NSUN3: variants seen among roughly 807,000 people sequenced by gnomAD.
NSUN3 encodes NOP2/Sun RNA methyltransferase 3.
NSUN3 carries 24 observed loss-of-function variants against 36.8 expected under a neutral mutation model. That is an observed-to-expected ratio of 0.65 (90% CI 0.47 to 0.92). NSUN3 has a LOEUF of 0.92. Among genes scored for constraint, NSUN3 ranks in the 40% least tolerant of loss-of-function variants. The pLI is 0.00. For missense variants in NSUN3, 381 were observed against 392.8 expected (o/e 0.97, Z 0.25); for synonymous variants, 146 against 145.2 (o/e 1.01, Z -0.04).
intron 2 of NSUN3, among the ~76,000 whole-genome samples, chr3:94,072,894 G>A (rs995110806): frequency 6.6e-6 from 1 of 151,842 alleles, no homozygotes; most frequent in African/African-American, 2.4e-5. Flanking sequence ...ATGGTGGTTT[G>A]CTGCACCCAT....
At chr3:94,112,981 C>T (rs2077424144) in intron 5 of NSUN3, among the ~76,000 whole-genome samples, 1 of 152,164 alleles carries the variant, frequency 6.6e-6, no homozygotes. Flanking sequence ...TCTCCTGCCT[C>T]AGCCTCCCAA....
intron 2 of NSUN3, among the ~76,000 whole-genome samples, chr3:94,077,559 A>T (rs1208686084): frequency 6.6e-6 from 1 of 152,140 alleles, no homozygotes. Context: ...CTGTGAATTC[A>T]TCTGGTCCTG....
chr3:94,095,203 C>T, intron 5 of NSUN3, 49 bp downstream of exon 5: 1 of 1,584,014 alleles, frequency 6.3e-7, no homozygotes, highest in Non-Finnish European at 8.7e-7. Flanking sequence ...ATGTAATTTA[C>T]ACAGGCATAA....
At chr3:94,074,757 CA>C (rs2077239761) in intron 2 of NSUN3, among the ~76,000 whole-genome samples, 2 of 152,152 alleles carry the variant, frequency 1.3e-5, no homozygotes, top group Non-Finnish European at 2.9e-5. Context: ...CAAACAGAGA[CA>C]ATTTGACTTC....
chr3:94,120,906 T>C (rs1427754079), intron 5 of NSUN3, among the ~76,000 whole-genome samples: 1 of 152,220 alleles, frequency 6.6e-6, no homozygotes, highest in Non-Finnish European at 1.5e-5. Flanking sequence ...AAAGAAAGTC[T>C]TATACCTATT....
At chr3:94,075,832 A>T in intron 2 of NSUN3, 1 of 978,238 alleles carries the variant, frequency 1.0e-6, no homozygotes, top group Non-Finnish European at 1.5e-6. Context: ...AGTCTGTCTC[A>T]TAACCAGTGT....
At position 94,065,200 on chromosome 3, in the gene NSUN3, C is replaced by T. The variant is rs572657856; in HGVS notation, c.122+654C>T. ...TACAGAGCAAGACAGTCTGCATGTC[C>T]AGTTTACATGCCGTCTAGTTAGTGT... On this transcript the variant is annotated intron_variant, in intron 2 of 5. Coordinates refer to ENST00000314622, the MANE Select transcript of NSUN3 (RefSeq NM_022072.5). Among the ~76,000 whole-genome samples the T allele has an allele frequency of 1.2e-4, 19 of 152,266 alleles. No individual in the cohort carries two copies. The South Asian group carries it at 3.7e-3, about 30-fold the overall frequency.
At chr3:94,122,864 A>G (rs1314136264) in intron 5 of NSUN3, among the ~76,000 whole-genome samples, 1 of 152,140 alleles carries the variant, frequency 6.6e-6, no homozygotes, top group Non-Finnish European at 1.5e-5. Flanking sequence ...GTTCTGTAAC[A>G]ATAGTAAGTT....
rs143822797 is a variant in NSUN3, at chr3:94,111,209, A to C, written c.744-15002A>C. On this transcript the variant is annotated intron_variant, in intron 5 of 5. Coordinates refer to ENST00000314622, the MANE Select transcript of NSUN3 (RefSeq NM_022072.5). ...AGGTACAGTAAAAATATGCTATAAA[A>C]GATAAAAAAATTGTACACCTGTATA... Among the ~76,000 whole-genome samples the C allele has an allele frequency of 3.1e-3, 479 of 152,266 alleles. 1 individual carries two copies. Among genetic ancestry groups the C allele is most frequent in the Non-Finnish European group, 5.5e-3 (376 of 68,020 alleles).
At chr3:94,069,551 C>T (rs149184355) in intron 2 of NSUN3, among the ~76,000 whole-genome samples, 12 of 152,178 alleles carry the variant, frequency 7.9e-5, no homozygotes, top group African/African-American at 2.4e-4. Flanking sequence ...TATTTTTCAT[C>T]TTCGTCACTA....
intron 2 of NSUN3, chr3:94,082,036 C>G (rs1175760433): frequency 6.6e-6 from 1 of 152,168 alleles, no homozygotes; most frequent in Non-Finnish European, 1.5e-5. Context: ...TGAAAGTGTT[C>G]TACTCCTTTT....
chr3:94,072,241 T>C (rs1054065631), intron 2 of NSUN3, among the ~76,000 whole-genome samples: 6 of 152,168 alleles, frequency 3.9e-5, no homozygotes, highest in African/African-American at 1.4e-4. Context: ...TGTGCTGTAG[T>C]ACCAGGGTCT....
rs1382874023 is a variant in NSUN3, at chr3:94,126,650, C to A, written c.*160C>A. On this transcript the variant is annotated 3_prime_UTR_variant, in exon 6 of 6. Coordinates refer to ENST00000314622, the MANE Select transcript of NSUN3 (RefSeq NM_022072.5). Reference sequence around the variant, plus strand: ...TTAGAATCTAGGCTTGAGAATTGTTCAGGTGTATTTTTTTCCTAGAAATAT... The same window carrying A: ...TTAGAATCTAGGCTTGAGAATTGTTAAGGTGTATTTTTTTCCTAGAAATAT... 7 of 631,122 alleles carry A rather than the reference C, an allele frequency of 1.1e-5. No individual in the cohort carries two copies. The highest frequency in any genetic ancestry group is 4.4e-4 in the Middle Eastern group (1 of 2,278). 39.1% of individuals were successfully genotyped at this position (631,122 alleles called of 1,614,324 possible).
At chr3:94,121,948 C>A (rs2077464266) in intron 5 of NSUN3, among the ~76,000 whole-genome samples, 1 of 151,884 alleles carries the variant, frequency 6.6e-6, no homozygotes, top group South Asian at 2.1e-4. Flanking sequence ...AGTTTGAGAC[C>A]AGCCTGGCCA....
chr3:94,105,151 G>A (rs552871504), intron 5 of NSUN3, among the ~76,000 whole-genome samples: 2 of 152,174 alleles, frequency 1.3e-5, no homozygotes. Context: ...TGGCTATTTT[G>A]GGAAAAGGTG....
At chr3:94,118,254 C>T (rs2077448284) in intron 5 of NSUN3, among the ~76,000 whole-genome samples, 1 of 152,074 alleles carries the variant, frequency 6.6e-6, no homozygotes, top group African/African-American at 2.4e-5. Flanking sequence ...AAAAGTACTT[C>T]CCTAGCTTTG....
At chr3:94,111,087 C>T (rs1178666845) in intron 5 of NSUN3, among the ~76,000 whole-genome samples, 1 of 152,126 alleles carries the variant, frequency 6.6e-6, no homozygotes, top group Admixed American at 6.5e-5. Context: ...GCCTGTTGCT[C>T]CTAGGCTATA....
At position 94,064,500 on chromosome 3, in the gene NSUN3, G is replaced by A. The variant is rs1243055975; in HGVS notation, c.76G>A (p.Glu26Lys). The A allele has an allele frequency of 6.2e-7, 1 of 1,613,660 alleles. No individual in the cohort carries two copies. The highest frequency in any genetic ancestry group is 8.5e-7 in the Non-Finnish European group (1 of 1,179,686). ...QICKVVLDHF[E>K]KQYSKELGDA... ...TTGCAAAGTTGTGTTGGATCATTTT[G>A]AAAAACAGTATTCCAAAGAACTCGG... The change falls in exon 2 of 6, where the codon GAA becomes AAA. Residue 26 changes from glutamate to lysine, a missense_variant. By Grantham distance (56) the Glu-to-Lys change is moderately conservative. Transcript: ENST00000314622.
chr3:94,106,450 T>C (rs2107264088), intron 5 of NSUN3, among the ~76,000 whole-genome samples: 1 of 152,304 alleles, frequency 6.6e-6, no homozygotes, highest in South Asian at 2.1e-4. Context: ...ATTACTTAAC[T>C]GTGAGCACAG....
Sources: allele counts gnomAD v4.1 joint callset (sites outside exome capture counted in the v4.1 genomes callset), GRCh38; gene constraint gnomAD v4.1.1; transcripts MANE v1.5; gene names NCBI Gene and HGNC (gene_info 2026-07-23, HGNC 2026-07-21).